The following SDCCAG8 variants were observed in gnomAD, a reference collection of about 807,000 sequenced individuals.
The protein encoded by SDCCAG8 is serologically defined colon cancer antigen 8.
SDCCAG8 carries 74 observed loss-of-function variants against 101.8 expected under a neutral mutation model. The observed-to-expected ratio is 0.73, with a 90% confidence interval of 0.60 to 0.88. The LOEUF is 0.88. Ranked by LOEUF, SDCCAG8 falls within the 40% of genes least tolerant of loss-of-function variation. SDCCAG8 has a pLI of 0.00. For synonymous variants in SDCCAG8, 281 were observed against 292.9 expected (o/e 0.96, Z 0.41); for missense variants, 787 against 822.6 (o/e 0.96, Z 0.53).
intron 12 of SDCCAG8, among the ~76,000 whole-genome samples, chr1:243,364,504 G>GGGTA (rs2076886259): frequency 2.6e-5 from 4 of 152,148 alleles, no homozygotes; most frequent in Admixed American, 6.6e-5. Context: ...AACAGAAACT[G>GGGTA]GGTAGGTAGG....
chr1:243,381,073 A>G (rs2077918869), intron 13 of SDCCAG8, among the ~76,000 whole-genome samples: 1 of 151,872 alleles, frequency 6.6e-6, no homozygotes, highest in South Asian at 2.1e-4. Flanking sequence ...ACTCCCACGC[A>G]GATAACACCT....
intron 16 of SDCCAG8, among the ~76,000 whole-genome samples, chr1:243,473,296 A>G (rs1661612142): frequency 6.6e-6 from 1 of 152,242 alleles, no homozygotes; most frequent in Non-Finnish European, 1.5e-5. Context: ...GTAGATTAAC[A>G]GAAGTTACTG....
chr1:243,299,755 A>G (rs756536138), intron 6 of SDCCAG8, among the ~76,000 whole-genome samples: 1 of 151,422 alleles, frequency 6.6e-6, no homozygotes, highest in African/African-American at 2.4e-5. Flanking sequence ...ACTGACATTT[A>G]TTGTGATTAT....
At chr1:243,497,322 G>A (rs1461487315) in intron 17 of SDCCAG8, among the ~76,000 whole-genome samples, 3 of 147,764 alleles carry the variant, frequency 2.0e-5, no homozygotes, top group Non-Finnish European at 4.5e-5. Context: ...GGTCAGGCAC[G>A]GCTGTAGGCA....
At chr1:243,338,281 A>C (rs2783963) in intron 10 of SDCCAG8, among the ~76,000 whole-genome samples, 1 of 152,008 alleles carries the variant, frequency 6.6e-6, no homozygotes, top group Non-Finnish European at 1.5e-5. Flanking sequence ...ATGACTGACC[A>C]GTTAATCATA....
intron 13 of SDCCAG8, among the ~76,000 whole-genome samples, chr1:243,415,090 G>C (rs2080476117): frequency 1.3e-5 from 2 of 152,092 alleles, no homozygotes; most frequent in Non-Finnish European, 2.9e-5. Context: ...CTTTCAATGT[G>C]ACCCACGAGG....
chr1:243,371,652 A>G (rs139674823), intron 12 of SDCCAG8, among the ~76,000 whole-genome samples: 6 of 152,206 alleles, frequency 3.9e-5, no homozygotes, highest in African/African-American at 1.4e-4. Flanking sequence ...GCTACAGTGA[A>G]GAGGATAATC....
chr1:243,317,141 C>A (rs563410283), intron 9 of SDCCAG8, among the ~76,000 whole-genome samples: 1 of 152,058 alleles, frequency 6.6e-6, no homozygotes, highest in Non-Finnish European at 1.5e-5. Context: ...TTTGAGAGAC[C>A]TATATGCTTA....
intron 16 of SDCCAG8, among the ~76,000 whole-genome samples, chr1:243,442,759 AAGCTTACAAACCTTTTC>A (rs1180665964): frequency 3.9e-5 from 6 of 152,218 alleles, no homozygotes; most frequent in Non-Finnish European, 5.9e-5. Context: ...TCATGGAGAA[AAGCTTACAAACCTTTTC>A]AGACTACTTC....
At chr1:243,304,651 A>G in intron 6 of SDCCAG8, 62 bp from the exon 7 acceptor site, 1 of 873,562 alleles carries the variant, frequency 1.1e-6, no homozygotes, top group Middle Eastern at 3.2e-4. Context: ...ATTAAAAATT[A>G]AAGTTTACTT....
chr1:243,258,875 T>A (rs1374400909), intron 1 of SDCCAG8, among the ~76,000 whole-genome samples: 2 of 152,198 alleles, frequency 1.3e-5, no homozygotes, highest in African/African-American at 4.8e-5. Context: ...TGTTGGTTTG[T>A]TTGGTTTTGT....
chr1:243,383,409 GT>G lies in SDCCAG8; in HGVS notation c.1616+4549del, dbSNP rs371055043. ...TGAGGTGAGGCTAGATGATTTATAA[GT>G]TTCCTTCCAGTTCTGATAATCAATG... On this transcript the variant is annotated intron_variant, in intron 13 of 17. Transcript: ENST00000366541. 3.7e-4 allele frequency among the ~76,000 whole-genome samples: 57 copies of G among 152,258 alleles called. 1 individual carries two copies. In the South Asian group the frequency reaches 0.012, roughly 32 times the overall value.
intron 12 of SDCCAG8, among the ~76,000 whole-genome samples, chr1:243,371,613 T>C (rs2077294129): frequency 6.6e-6 from 1 of 152,146 alleles, no homozygotes; most frequent in Admixed American, 6.6e-5. Context: ...ACAGGATTTC[T>C]AGAATGGTAT....
In SDCCAG8 at chr1:243,289,722, T is replaced by C. The variant is rs566946824; in HGVS notation, c.546+3325T>C. 1.2e-3 allele frequency among the ~76,000 whole-genome samples: 184 copies of C among 152,312 alleles called. 1 individual carries two copies. The highest frequency in any genetic ancestry group is 4.2e-3 in the African/African-American group (174 of 41,570). On this transcript the variant is annotated intron_variant, in intron 5 of 17. Coordinates refer to ENST00000366541, the MANE Select transcript of SDCCAG8 (RefSeq NM_006642.5). Reference sequence around the variant, plus strand: ...AAGCAAGGATTCAAACCCAGGACTATCTAATTCTCTAAATACACCCCGTAG... The same window carrying C: ...AAGCAAGGATTCAAACCCAGGACTACCTAATTCTCTAAATACACCCCGTAG...
At chr1:243,259,337 G>A (rs930657628) in intron 1 of SDCCAG8, among the ~76,000 whole-genome samples, 14 of 152,102 alleles carry the variant, frequency 9.2e-5, no homozygotes. Context: ...AACCCAGGAG[G>A]TGGAGCTTGC....
intron 16 of SDCCAG8, among the ~76,000 whole-genome samples, chr1:243,440,889 G>A (rs1243892613): frequency 3.3e-5 from 5 of 152,166 alleles, no homozygotes; most frequent in Admixed American, 2.6e-4. Context: ...TGGGAATTGA[G>A]CAGATTAAAG....
At chr1:243,496,508 CCAAA>C (rs768180509) in intron 17 of SDCCAG8, among the ~76,000 whole-genome samples, 4 of 152,222 alleles carry the variant, frequency 2.6e-5, no homozygotes, top group South Asian at 2.1e-4. Context: ...TTTGACTTGG[CCAAA>C]CAGAGACAGC....
At chr1:243,256,898 T>C (rs778498826) in intron 1 of SDCCAG8, among the ~76,000 whole-genome samples, 2 of 152,250 alleles carry the variant, frequency 1.3e-5, no homozygotes, top group Non-Finnish European at 2.9e-5. Context: ...ATCAAAACCT[T>C]ATTAATTTAG....
At chr1:243,496,851 A>G (rs1009350943) in intron 17 of SDCCAG8, among the ~76,000 whole-genome samples, 10 of 152,260 alleles carry the variant, frequency 6.6e-5, no homozygotes, top group Non-Finnish European at 1.3e-4. Flanking sequence ...AGGATTTAAA[A>G]TGAGAACAAA....
Sources: gnomAD v4.1 joint callset for allele counts (sites outside exome capture counted in the v4.1 genomes callset) on GRCh38, gnomAD v4.1.1 for gene constraint, MANE v1.5 for transcripts, NCBI Gene and HGNC (gene_info 2026-07-23, HGNC 2026-07-21) for gene names.